FMN1: variants seen among roughly 807,000 people sequenced by gnomAD.
The protein encoded by FMN1 is formin 1, also known as formin-1.
Under a neutral mutation model 132.4 loss-of-function variants are expected in FMN1, and 110 were observed. That is an observed-to-expected ratio of 0.83 (90% CI 0.71 to 0.97). FMN1 has a LOEUF of 0.97. FMN1 is among the 50% of genes least tolerant of loss of function. The probability of loss-of-function intolerance (pLI) is 0.00; values close to 1 mark genes in which losing one functional copy is unlikely to be tolerated. For missense variants in FMN1, 1,792 were observed against 1,705.3 expected (o/e 1.05, Z -0.90); for synonymous variants, 722 against 651.7 (o/e 1.11, Z -1.64).
chr15:33,066,768 A>G, intron 5 of FMN1: 1 of 1,613,924 alleles, frequency 6.2e-7, no homozygotes, highest in Non-Finnish European at 8.5e-7. Context: ...TCAGCATTGC[A>G]GCCCATCTCT....
intron 17 of FMN1, among the ~76,000 whole-genome samples, chr15:32,812,482 T>C (rs2057914679): frequency 6.6e-6 from 1 of 152,236 alleles, no homozygotes; most frequent in South Asian, 2.1e-4. Context: ...AATTCATTTA[T>C]GTTTCATATA....
At chr15:33,123,671 TAA>T (rs763623876) in intron 4 of FMN1, among the ~76,000 whole-genome samples, 31 of 152,270 alleles carry the variant, frequency 2.0e-4, no homozygotes, top group Admixed American at 4.6e-4. Flanking sequence ...TAACACAGAT[TAA>T]GTTTTCCAAG....
intron 6 of FMN1, among the ~76,000 whole-genome samples, chr15:33,026,884 A>G (rs1205657860): frequency 1.3e-5 from 2 of 152,174 alleles, no homozygotes; most frequent in Non-Finnish European, 2.9e-5. Context: ...ACGTGGTGGA[A>G]AAGTACTCCA....
intron 6 of FMN1, among the ~76,000 whole-genome samples, chr15:33,042,480 A>G (rs1475874617): frequency 1.3e-5 from 2 of 152,240 alleles, no homozygotes; most frequent in Non-Finnish European, 2.9e-5. Context: ...ATGATCAGAT[A>G]TTTAAATAAC....
At chr15:32,816,805 A>G (rs989593057) in intron 17 of FMN1, among the ~76,000 whole-genome samples, 3 of 152,234 alleles carry the variant, frequency 2.0e-5, no homozygotes, top group Non-Finnish European at 2.9e-5. Context: ...CACCCACATT[A>G]AAGTCCTTTA....
chr15:33,045,700 G>A (rs77360817), intron 6 of FMN1, among the ~76,000 whole-genome samples: 7,687 of 152,224 alleles, frequency 0.05, 237 homozygotes, highest in South Asian at 0.11. Flanking sequence ...ACAACTCACT[G>A]GGTCAGAAAG....
intron 4 of FMN1, among the ~76,000 whole-genome samples, chr15:33,134,845 T>A (rs918211499): frequency 6.6e-6 from 1 of 152,048 alleles, no homozygotes; most frequent in Admixed American, 6.5e-5. Flanking sequence ...CTACTAAAAG[T>A]ACAAAATTTA....
At chr15:33,084,889 T>C (rs2038628539) in intron 5 of FMN1, among the ~76,000 whole-genome samples, 2 of 152,192 alleles carry the variant, frequency 1.3e-5, no homozygotes, top group African/African-American at 4.8e-5. Context: ...TTACCTTTCA[T>C]CACGTACTAA....
chr15:32,810,929 T>C (rs1227960474), intron 17 of FMN1: 1 of 455,588 alleles, frequency 2.2e-6, no homozygotes, highest in East Asian at 6.9e-5. Flanking sequence ...TCTACAAATA[T>C]GGGAGCCGGG....
chr15:33,186,151 G>A (rs1965877760), intron 2 of FMN1, among the ~76,000 whole-genome samples: 1 of 151,066 alleles, frequency 6.6e-6, no homozygotes, highest in Non-Finnish European at 1.5e-5. Flanking sequence ...AAGCCTCATG[G>A]CCTTCCAGAC....
chr15:33,009,072 C>T (rs1596461126), intron 6 of FMN1, among the ~76,000 whole-genome samples: 1 of 152,174 alleles, frequency 6.6e-6, no homozygotes, highest in African/African-American at 2.4e-5. Context: ...AGTAGTGTTG[C>T]TGCTGATAAT....
chr15:33,072,790 G>A (rs550098862), intron 5 of FMN1, among the ~76,000 whole-genome samples: 30 of 152,186 alleles, frequency 2.0e-4, no homozygotes, highest in African/African-American at 7.0e-4. Flanking sequence ...AGGCATGGTG[G>A]TGGGCACCTG....
chr15:33,081,818 G>A (rs888725739), intron 5 of FMN1, among the ~76,000 whole-genome samples: 1 of 152,138 alleles, frequency 6.6e-6, no homozygotes, highest in African/African-American at 2.4e-5. Flanking sequence ...AGACATGGAG[G>A]TTCTTATTAC....
chr15:33,111,566 A>G (rs538759649), intron 4 of FMN1, among the ~76,000 whole-genome samples: 1 of 152,338 alleles, frequency 6.6e-6, no homozygotes, highest in African/African-American at 2.4e-5. Context: ...CAAAAGGTGG[A>G]AATAACTCAA....
At chr15:32,930,314 A>G (rs2061079205) in intron 9 of FMN1, among the ~76,000 whole-genome samples, 1 of 151,786 alleles carries the variant, frequency 6.6e-6, no homozygotes, top group African/African-American at 2.4e-5. Context: ...AGAACTTCAT[A>G]CTGTTTTCCA....
At chr15:33,108,126 T>A (rs1042269995) in intron 4 of FMN1, among the ~76,000 whole-genome samples, 3 of 151,984 alleles carry the variant, frequency 2.0e-5, no homozygotes, top group African/African-American at 7.2e-5. Flanking sequence ...GGATGGATGG[T>A]GGTGGGGTGT....
At chr15:32,974,512 C>T (rs1203085285) in intron 7 of FMN1, among the ~76,000 whole-genome samples, 2 of 152,106 alleles carry the variant, frequency 1.3e-5, no homozygotes, top group African/African-American at 4.8e-5. Flanking sequence ...TTCCTAGTGG[C>T]ACAATTTTTA....
intron 15 of FMN1, among the ~76,000 whole-genome samples, chr15:32,893,579 G>C (rs573728431): frequency 6.6e-6 from 1 of 152,326 alleles, no homozygotes; most frequent in Admixed American, 6.5e-5. Context: ...TCTTTCTTTA[G>C]CTAATTGCTC....
At chr15:33,011,766 C>T (rs949165931) in intron 6 of FMN1, among the ~76,000 whole-genome samples, 7 of 151,606 alleles carry the variant, frequency 4.6e-5, no homozygotes, top group South Asian at 2.1e-4. Context: ...AAAATGAAGC[C>T]CATGTGAAAA....
Sources: allele counts gnomAD v4.1 joint callset (sites outside exome capture counted in the v4.1 genomes callset), GRCh38; gene constraint gnomAD v4.1.1; transcripts MANE v1.5; gene names NCBI Gene and HGNC (gene_info 2026-07-23, HGNC 2026-07-21).